DCDC1: variants seen among roughly 807,000 people sequenced by gnomAD.
The protein encoded by DCDC1 is doublecortin domain-containing protein 1.
DCDC1 carries 200 observed loss-of-function variants against 178.3 expected under a neutral mutation model. That is an observed-to-expected ratio of 1.12 (90% CI 1.00 to 1.26). The LOEUF (loss-of-function observed/expected upper bound fraction) is 1.26, where lower values mean the gene tolerates loss of function less well. Among genes scored for constraint, DCDC1 ranks in the 50% most tolerant of loss-of-function variants. The probability of loss-of-function intolerance (pLI) is 0.00; values close to 1 mark genes in which losing one functional copy is unlikely to be tolerated. For missense variants in DCDC1, 1,983 were observed against 1,749.2 expected (o/e 1.13, Z -2.38); for synonymous variants, 690 against 604.8 (o/e 1.14, Z -2.07).
At chr11:31,134,160 G>A (rs1453575890) in intron 10 of DCDC1, among the ~76,000 whole-genome samples, 1 of 152,154 alleles carries the variant, frequency 6.6e-6, no homozygotes, top group African/African-American at 2.4e-5. Flanking sequence ...ATGGGAGAAG[G>A]AACAATTGAA....
intron 8 of DCDC1, among the ~76,000 whole-genome samples, chr11:31,256,320 C>T (rs1944415536): frequency 6.6e-6 from 1 of 152,164 alleles, no homozygotes; most frequent in Admixed American, 6.6e-5. Flanking sequence ...ACAAGACTGT[C>T]TTTACTTAAG....
At chr11:31,339,090 G>A (rs1451185306) in intron 1 of DCDC1, among the ~76,000 whole-genome samples, 1 of 152,072 alleles carries the variant, frequency 6.6e-6, no homozygotes, top group East Asian at 1.9e-4. Context: ...AGCCAACTTG[G>A]TATAATGAAA....
chr11:31,307,483 C>G (rs1419206766), intron 4 of DCDC1, 156 bp downstream of exon 4: 2 of 901,260 alleles, frequency 2.2e-6, no homozygotes, highest in Non-Finnish European at 3.3e-6. Context: ...ACATTCTACT[C>G]TGGTGCTTTC....
chr11:31,199,910 A>T (rs577472311), intron 9 of DCDC1, among the ~76,000 whole-genome samples: 1 of 152,152 alleles, frequency 6.6e-6, no homozygotes, highest in Non-Finnish European at 1.5e-5. Context: ...CATGTTTTTG[A>T]AAAATACTAA....
At chr11:30,979,227 C>T (rs7933758) in intron 20 of DCDC1, among the ~76,000 whole-genome samples, 36,101 of 152,004 alleles carry the variant, frequency 0.24, 4,916 homozygotes, top group Middle Eastern at 0.36. Flanking sequence ...TAAGAGAGAA[C>T]ATGAAACTCA....
chr11:31,056,886 A>G (rs571073368), intron 20 of DCDC1, among the ~76,000 whole-genome samples: 105 of 152,286 alleles, frequency 6.9e-4, no homozygotes, highest in African/African-American at 2.5e-3. Flanking sequence ...TCAAGTTCAC[A>G]TGTACCATTT....
At chr11:31,006,740 A>G (rs1951868709) in intron 20 of DCDC1, among the ~76,000 whole-genome samples, 1 of 152,254 alleles carries the variant, frequency 6.6e-6, no homozygotes, top group Non-Finnish European at 1.5e-5. Context: ...ATGCAATTAT[A>G]CAACTCCAGT....
intron 9 of DCDC1, among the ~76,000 whole-genome samples, chr11:31,160,387 T>A (rs570282471): frequency 6.6e-6 from 1 of 152,304 alleles, no homozygotes; most frequent in Middle Eastern, 3.4e-3. Flanking sequence ...CATTTTAATA[T>A]AAAAACTTTA....
intron 8 of DCDC1, among the ~76,000 whole-genome samples, chr11:31,257,693 A>AAT (rs1944502712): frequency 7.0e-6 from 1 of 143,870 alleles, no homozygotes; most frequent in Non-Finnish European, 1.5e-5. Context: ...CAGATAGGAA[A>AAT]ACACACACAC....
At chr11:30,933,214 CTT>C (rs1008203521) in intron 21 of DCDC1, among the ~76,000 whole-genome samples, 1 of 151,468 alleles carries the variant, frequency 6.6e-6, no homozygotes, top group African/African-American at 2.4e-5. Context: ...ATATGCTCAC[CTT>C]TTTTTTCTTT....
At chr11:31,086,639 T>G (rs532084084) in intron 17 of DCDC1, among the ~76,000 whole-genome samples, 2 of 152,146 alleles carry the variant, frequency 1.3e-5, no homozygotes, top group South Asian at 4.2e-4. Context: ...AGGTCACAAA[T>G]AGTTTCTCCT....
intron 7 of DCDC1, among the ~76,000 whole-genome samples, chr11:31,286,745 T>C (rs1946867180): frequency 6.6e-6 from 1 of 152,066 alleles, no homozygotes; most frequent in South Asian, 2.1e-4. Context: ...ACAGGTTGAC[T>C]ATATAGAAAA....
At chr11:30,999,527 A>G (rs1236786874) in intron 20 of DCDC1, among the ~76,000 whole-genome samples, 1 of 152,214 alleles carries the variant, frequency 6.6e-6, no homozygotes, top group African/African-American at 2.4e-5. Context: ...TAAATTTAAG[A>G]TTCTTGACTA....
chr11:31,059,296 G>A (rs1180375148), intron 20 of DCDC1, among the ~76,000 whole-genome samples: 2 of 151,880 alleles, frequency 1.3e-5, no homozygotes, highest in Non-Finnish European at 2.9e-5. Context: ...GAACATACAG[G>A]AATTAATTTT....
intron 24 of DCDC1, among the ~76,000 whole-genome samples, chr11:30,921,217 C>A (rs561719033): frequency 2.0e-5 from 3 of 152,234 alleles, no homozygotes; most frequent in African/African-American, 7.2e-5. Flanking sequence ...ATATATGTTT[C>A]TAGATCATTC....
At chr11:31,232,629 G>T (rs1301899380) in intron 9 of DCDC1, among the ~76,000 whole-genome samples, 2 of 152,026 alleles carry the variant, frequency 1.3e-5, no homozygotes, top group African/African-American at 4.8e-5. Context: ...AATAAAACAT[G>T]CCTTACATTT....
At chr11:31,037,428 CTTTCTTTTTTT>C (rs1954120984) in intron 20 of DCDC1, among the ~76,000 whole-genome samples, 1 of 44,876 alleles carries the variant, frequency 2.2e-5, no homozygotes, top group Non-Finnish European at 4.2e-5. Context: ...CTAAATATTT[CTTTCTTTTTTT>C]TTTTTTTTTT....
chr11:31,016,795 G>A (rs539899302), intron 20 of DCDC1, among the ~76,000 whole-genome samples: 1 of 152,246 alleles, frequency 6.6e-6, no homozygotes, highest in East Asian at 1.9e-4. Flanking sequence ...TTTACTGTCT[G>A]GGGTTCGACC....
intron 20 of DCDC1, among the ~76,000 whole-genome samples, chr11:30,974,452 A>T (rs918003680): frequency 1.3e-5 from 2 of 152,038 alleles, no homozygotes; most frequent in Non-Finnish European, 2.9e-5. Flanking sequence ...TTTCAAAAAA[A>T]TGCAATGAAC....
Sources: allele counts gnomAD v4.1 joint callset (sites outside exome capture counted in the v4.1 genomes callset), GRCh38; gene constraint gnomAD v4.1.1; transcripts MANE v1.5; gene names NCBI Gene and HGNC (gene_info 2026-07-23, HGNC 2026-07-21).